PHRF1: variants seen among roughly 807,000 people sequenced by gnomAD.
PHRF1 encodes the protein PHD and RING finger domain-containing protein 1.
In PHRF1, 53 loss-of-function variants were observed where a neutral mutation model predicts 128.9. The observed-to-expected ratio is 0.41, with a 90% CI of 0.33 to 0.52. The LOEUF (loss-of-function observed/expected upper bound fraction) is 0.52, where lower values mean the gene tolerates loss of function less well. Among genes scored for constraint, PHRF1 ranks in the 20% least tolerant of loss-of-function variants. The pLI, the probability that PHRF1 is intolerant of heterozygous loss-of-function variation, is 0.21. For missense variants in PHRF1, 2,503 were observed against 2,284.5 expected (o/e 1.10, Z -1.95); for synonymous variants, 1,178 against 980.6 (o/e 1.20, Z -3.76).
intron 10 of PHRF1, among the ~76,000 whole-genome samples, chr11:603,426 C>G (rs1369573490): frequency 6.6e-6 from 1 of 151,744 alleles, no homozygotes; most frequent in Non-Finnish European, 1.5e-5. Context: ...GCCTTGACCT[C>G]CCAGGCTAAG....
At chr11:589,225 G>A (rs576329984) in intron 4 of PHRF1, among the ~76,000 whole-genome samples, 1 of 152,244 alleles carries the variant, frequency 6.6e-6, no homozygotes, top group Non-Finnish European at 1.5e-5. Flanking sequence ...GATTAAAATT[G>A]TGTTTAGAAA....
intron 1 of PHRF1, among the ~76,000 whole-genome samples, chr11:577,457 AGTTG>A (rs1416904914): frequency 1.3e-5 from 2 of 152,254 alleles, no homozygotes; most frequent in African/African-American, 4.8e-5. Flanking sequence ...GGTTTGGCAT[AGTTG>A]ATCTCTCTCC....
intron 10 of PHRF1, among the ~76,000 whole-genome samples, chr11:602,807 C>T (rs1218031342): frequency 4.0e-5 from 6 of 149,150 alleles, no homozygotes; most frequent in Non-Finnish European, 5.9e-5. Context: ...TCTGTCCCCA[C>T]GCTGGAGTGT....
chr11:598,635 C>T (rs1038020808), intron 9 of PHRF1, 133 bp downstream of exon 9: 7 of 1,367,768 alleles, frequency 5.1e-6, no homozygotes, highest in East Asian at 2.6e-5. Flanking sequence ...CTGCTGAAAA[C>T]ACTACACAGA....
intron 3 of PHRF1, among the ~76,000 whole-genome samples, chr11:584,523 C>G (rs1224263846): frequency 2.0e-5 from 3 of 152,036 alleles, no homozygotes; most frequent in Non-Finnish European, 4.4e-5. Flanking sequence ...TGGGGAGAGG[C>G]TTCTGGAGAA....
At chr11:603,081 G>T (rs1418969257) in intron 10 of PHRF1, among the ~76,000 whole-genome samples, 4 of 151,590 alleles carry the variant, frequency 2.6e-5, no homozygotes, top group Admixed American at 2.6e-4. Flanking sequence ...TTTTGAGATG[G>T]TATCACTCTG....
Position 609,234 on chromosome 11 carries a change from G to T in PHRF1, c.3778G>T (p.Asp1260Tyr), listed in dbSNP as rs1214394909. The T allele has an allele frequency of 4.3e-6, 7 of 1,611,032 alleles. No individual in the cohort carries two copies. Among genetic ancestry groups the T allele is most frequent in the Non-Finnish European group, 5.1e-6 (6 of 1,179,888 alleles). Residue 1260 changes from aspartate to tyrosine, a missense_variant, in exon 14 of 18, where the codon GAT becomes TAT. Transcript: ENST00000264555. ...GTGTGAGCCGGACGACCTGGACCTG[G>T]ATTATGGCGACTCCGTGGAGGCCGG... ...AECEPDDLDL[D>Y]YGDSVEAGHV...
chr11:606,321 A>G, intron 12 of PHRF1, 121 bp from the exon 13 acceptor site: 1 of 1,254,150 alleles, frequency 8.0e-7, no homozygotes, highest in Non-Finnish European at 1.1e-6. Flanking sequence ...GCTGTGGGGG[A>G]GGCGCAGGCC....
chr11:583,281 G>A (rs1211250308), intron 3 of PHRF1, among the ~76,000 whole-genome samples: 2 of 152,132 alleles, frequency 1.3e-5, no homozygotes, highest in Admixed American at 6.6e-5. Context: ...GGAGGTTGCA[G>A]TGAGCCAAGA....
chr11:580,607 T>C (rs1489874453), intron 1 of PHRF1, among the ~76,000 whole-genome samples: 1 of 152,242 alleles, frequency 6.6e-6, no homozygotes. Context: ...GAGGCCCCTC[T>C]TGTGCCCAGC....
chr11:610,568 G>A lies in PHRF1; in HGVS notation c.4484G>A (p.Ser1495Asn), dbSNP rs374257471. The A allele has an allele frequency of 1.6e-5, 25 of 1,606,194 alleles. No homozygotes were observed. The highest frequency in any genetic ancestry group is 2.0e-5 in the Non-Finnish European group (24 of 1,179,732). ...AGCATCCCACCCTGCGCACTGGTCA[G>A]CCAGCCCACGGTCCAGTTCATCCTT... ...PSSIPPCALV[S>N]QPTVQFILQG... The change falls in exon 16 of 18, where the codon AGC becomes AAC. Residue 1495 changes from serine (S) to asparagine (N), a missense_variant. Physicochemically the swap from Ser to Asn is conservative, Grantham distance 46 (BLOSUM62 1). Coordinates refer to ENST00000264555, the MANE Select transcript of PHRF1 (RefSeq NM_001286581.2).
chr11:579,703 T>C (rs1249424862), intron 1 of PHRF1, among the ~76,000 whole-genome samples: 1 of 152,212 alleles, frequency 6.6e-6, no homozygotes, highest in Non-Finnish European at 1.5e-5. Flanking sequence ...TGTTTTCACC[T>C]TAGGGTGGCA....
rs1187206176 is a variant in PHRF1 at position 598,440 on chromosome 11, G to A, written c.962G>A (p.Ser321Asn). 1.2e-6 allele frequency: 2 copies of A among 1,611,266 alleles called. No individual in the cohort carries two copies. Residue 321 changes from serine (S) to asparagine (N), a missense_variant, in exon 9 of 18, where the codon AGC becomes AAC. Ser to Asn is a conservative substitution (Grantham distance 46, BLOSUM62 1). Coordinates refer to ENST00000264555, the MANE Select transcript of PHRF1 (RefSeq NM_001286581.2). ...ATCGAGGCTGTGGCGACTGGCCTGA[G>A]CACTGCCGTGTATCAGCGCCCCCTG... ...EAIEAVATGL[S>N]TAVYQRPLTP...
At chr11:594,740 G>A (rs1321342232) in intron 6 of PHRF1, among the ~76,000 whole-genome samples, 2 of 152,228 alleles carry the variant, frequency 1.3e-5, no homozygotes, top group African/African-American at 4.8e-5. Flanking sequence ...GAGATTAAAG[G>A]CGTGAGCCAC....
At position 608,003 on chromosome 11, in the gene PHRF1, G is replaced by A; in HGVS notation, c.2547G>A (p.Arg849=). 6.2e-7 allele frequency: 1 copy of A among 1,611,064 alleles called. No individual in the cohort carries two copies. Among genetic ancestry groups the A allele is most frequent in the Non-Finnish European group, 8.5e-7 (1 of 1,179,804 alleles). The change falls in exon 14 of 18, where the codon AGG becomes AGA. Residue 849 remains arginine, a synonymous_variant. Coordinates refer to ENST00000264555, the MANE Select transcript of PHRF1 (RefSeq NM_001286581.2). ...DSSAPGSSPE[R]SGPGLLPSEI... is the part of the protein sequence containing the mutation. ...GCGCCCCTGGCAGCAGCCCCGAGAG[G>A]TCTGGCCCCGGCCTCCTGCCCTCTG...
chr11:610,360 G>A lies in PHRF1; in HGVS notation c.4416+13G>A. The A allele has an allele frequency of 6.4e-7, 1 of 1,551,872 alleles. No individual in the cohort carries two copies. Among genetic ancestry groups the A allele is most frequent in the African/African-American group, 1.4e-5 (1 of 73,590 alleles). ...AGACCCCTCTCAGGTGGGTGTCTGG[G>A]CTGGAGGGCTGTGGGCCGTGGGCAG... is the stretch of plus-strand genomic sequence containing the variant. On this transcript the variant is annotated intron_variant, in intron 15 of 17. Coordinates refer to ENST00000264555, the MANE Select transcript of PHRF1 (RefSeq NM_001286581.2).
chr11:582,015 C>T lies in PHRF1; in HGVS notation c.148C>T (p.His50Tyr), dbSNP rs747606166. The T allele has an allele frequency of 4.4e-6, 7 of 1,608,430 alleles. No individual in the cohort carries two copies. Among genetic ancestry groups the T allele is most frequent in the East Asian group, 2.2e-5 (1 of 44,670 alleles). ...GDSGDDSDSE[H>Y]GDGTDGEDEG... ...CTCTGGGGACGACAGTGACAGCGAGCATGGAGATGGCACAGACGGAGAAGA... is the reference window on the plus strand; with the variant it reads ...CTCTGGGGACGACAGTGACAGCGAGTATGGAGATGGCACAGACGGAGAAGA... The change falls in exon 3 of 18, where the codon CAT (histidine) becomes TAT (tyrosine). Residue 50 changes from histidine to tyrosine, a missense_variant. Physicochemically the swap from His to Tyr is moderately conservative, Grantham distance 83. Transcript: ENST00000264555.
chr11:581,262 T>C (rs972187694), intron 1 of PHRF1, among the ~76,000 whole-genome samples: 1 of 152,196 alleles, frequency 6.6e-6, no homozygotes, highest in African/African-American at 2.4e-5. Flanking sequence ...ATCTTAGGGC[T>C]CACCCTTCAC....
intron 9 of PHRF1, among the ~76,000 whole-genome samples, chr11:601,150 C>T (rs961467004): frequency 1.3e-5 from 2 of 151,476 alleles, no homozygotes; most frequent in Admixed American, 6.6e-5. Flanking sequence ...GACTCCGTCT[C>T]AGAAAAAAAT....
Sources: allele counts gnomAD v4.1 joint callset (sites outside exome capture counted in the v4.1 genomes callset), GRCh38; gene constraint gnomAD v4.1.1; transcripts MANE v1.5; gene names NCBI Gene and HGNC (gene_info 2026-07-23, HGNC 2026-07-21).